The following ANKRD22 variants were observed in gnomAD, a reference collection of about 807,000 sequenced individuals.
ANKRD22 encodes ankyrin repeat domain-containing protein 22.
A neutral mutation model predicts 25.7 loss-of-function variants in ANKRD22; 24 were observed. The observed-to-expected ratio is 0.93, with a 90% confidence interval of 0.68 to 1.31. The LOEUF (loss-of-function observed/expected upper bound fraction) is 1.31, where lower values mean the gene tolerates loss of function less well. Ranked by LOEUF, ANKRD22 falls within the 50% of genes most tolerant of loss-of-function variation. The pLI is 0.00. For synonymous variants in ANKRD22, 84 were observed against 84.3 expected, an observed-to-expected ratio of 1.00 and a Z score of 0.02; for missense variants, 214 against 227.1, an observed-to-expected ratio of 0.94 and a Z score of 0.37.
chr10:88,848,194 GTATATATACATA>G (rs1255550188), intron 1 of ANKRD22, among the ~76,000 whole-genome samples: 2 of 145,372 alleles, frequency 1.4e-5, no homozygotes, highest in African/African-American at 2.5e-5. Flanking sequence ...ATGTATATAT[GTATATATACATA>G]TATATATACA....
intron 3 of ANKRD22, among the ~76,000 whole-genome samples, chr10:88,827,588 G>A (rs1170774381): frequency 6.6e-6 from 1 of 152,080 alleles, no homozygotes; most frequent in East Asian, 1.9e-4. Context: ...ATTCTTCGAG[G>A]ATATGAGCAG....
chr10:88,824,659 T>C (rs990352792), intron 4 of ANKRD22, among the ~76,000 whole-genome samples: 1 of 152,204 alleles, frequency 6.6e-6, no homozygotes, highest in Non-Finnish European at 1.5e-5. Flanking sequence ...GCCTTCCAAG[T>C]AGCTGGGACT....
intron 1 of ANKRD22, among the ~76,000 whole-genome samples, chr10:88,848,475 T>A (rs1844074228): frequency 6.6e-6 from 1 of 152,140 alleles, no homozygotes; most frequent in Non-Finnish European, 1.5e-5. Context: ...CTGATGCTCT[T>A]CTTGCATATG....
At chr10:88,836,306 C>T (rs193101065) in intron 1 of ANKRD22, among the ~76,000 whole-genome samples, 2 of 152,190 alleles carry the variant, frequency 1.3e-5, no homozygotes, top group Admixed American at 1.3e-4. Context: ...TCATTGTACC[C>T]CCATAACATA....
chr10:88,840,738 A>C (rs1475628780), intron 1 of ANKRD22, among the ~76,000 whole-genome samples: 1 of 152,210 alleles, frequency 6.6e-6, no homozygotes, highest in Non-Finnish European at 1.5e-5. Context: ...CTTTCTCTTC[A>C]AGTTAAGAAA....
intron 1 of ANKRD22, among the ~76,000 whole-genome samples, chr10:88,834,885 C>T (rs936801863): frequency 2.6e-5 from 4 of 151,966 alleles, no homozygotes; most frequent in African/African-American, 7.3e-5. Context: ...GCCGAAATCG[C>T]GCCACTTCAT....
chr10:88,830,241 G>A (rs1282281831), intron 2 of ANKRD22, among the ~76,000 whole-genome samples: 1 of 152,014 alleles, frequency 6.6e-6, no homozygotes, highest in Non-Finnish European at 1.5e-5. Context: ...TTCATATTGC[G>A]CTATCAAATT....
At chr10:88,840,605 C>A (rs778454297) in intron 1 of ANKRD22, among the ~76,000 whole-genome samples, 6 of 152,134 alleles carry the variant, frequency 3.9e-5, no homozygotes, top group Non-Finnish European at 5.9e-5. Context: ...ACAAGCTCCC[C>A]TCACTTAAAA....
intron 1 of ANKRD22, among the ~76,000 whole-genome samples, chr10:88,835,239 C>A (rs774085215): frequency 3.3e-5 from 5 of 152,238 alleles, no homozygotes; most frequent in Admixed American, 1.3e-4. Context: ...CTTTCTCAAC[C>A]CCATTTGAGC....
chr10:88,829,430 A>G (rs1001454634), intron 2 of ANKRD22, among the ~76,000 whole-genome samples: 1 of 152,224 alleles, frequency 6.6e-6, no homozygotes, highest in Non-Finnish European at 1.5e-5. Context: ...CTGTAAAAAA[A>G]TTTTAGAAAC....
chr10:88,846,134 A>G (rs12254933), intron 1 of ANKRD22, among the ~76,000 whole-genome samples: 4,230 of 152,026 alleles, frequency 0.028, 209 homozygotes, highest in African/African-American at 0.098. Context: ...TTGCGTATGT[A>G]TGGTCAGACA....
chr10:88,829,012 T>C (rs978571548), intron 2 of ANKRD22, among the ~76,000 whole-genome samples: 3 of 152,230 alleles, frequency 2.0e-5, no homozygotes, highest in Non-Finnish European at 2.9e-5. Flanking sequence ...AAATTGATAG[T>C]TATCCCTTAA....
chr10:88,836,700 C>T (rs973569798), intron 1 of ANKRD22, among the ~76,000 whole-genome samples: 11 of 152,172 alleles, frequency 7.2e-5, no homozygotes, highest in African/African-American at 2.7e-4. Flanking sequence ...TTGATCTGTC[C>T]ACTTGTGGCA....
intron 1 of ANKRD22, among the ~76,000 whole-genome samples, chr10:88,850,021 T>G (rs1254585041): frequency 6.6e-6 from 1 of 151,356 alleles, no homozygotes; most frequent in Admixed American, 6.6e-5. Context: ...TTTTTTTTTT[T>G]GAATAGATTC....
At chr10:88,838,113 A>C (rs1458882836) in intron 1 of ANKRD22, among the ~76,000 whole-genome samples, 1 of 152,198 alleles carries the variant, frequency 6.6e-6, no homozygotes, top group Admixed American at 6.5e-5. Context: ...ATGATGGGGA[A>C]GATTTTGGAC....
At position 88,822,543 on chromosome 10, in the gene ANKRD22, G is replaced by GTTTTTTTTTTTTTTTTTTTTTTTT. The variant is rs1491462149; in HGVS notation, c.*397_*398insAAAAAAAAAAAAAAAAAAAAAAAA. The GTTTTTTTTTTTTTTTTTTTTTTTT allele has an allele frequency of 3.5e-4, 7 of 19,720 alleles. No individual in the cohort carries two copies. The highest frequency in any genetic ancestry group is 2.0e-3 in the South Asian group (1 of 496). The allele number at this position is 19,720 out of a possible 1,614,324, so 1.2% of individuals were successfully genotyped here. On this transcript the variant is annotated 3_prime_UTR_variant, in exon 6 of 6. Transcript: ENST00000371930. ...GAAAGACTGAGTTTGGAACACCAGGGCTTTTTTTTTTTTTTTTTTTTTTGA... is the reference window on the plus strand; with the variant it reads ...GAAAGACTGAGTTTGGAACACCAGGGTTTTTTTTTTTTTTTTTTTTTTTTCTTTTTTTTTTTTTTTTTTTTTTGA...
chr10:88,838,851 G>C (rs979565053), intron 1 of ANKRD22, among the ~76,000 whole-genome samples: 1 of 152,172 alleles, frequency 6.6e-6, no homozygotes, highest in Non-Finnish European at 1.5e-5. Context: ...CCCAGGAAAA[G>C]CCAGATTTCA....
At chr10:88,850,293 A>G (rs1375476632) in intron 1 of ANKRD22, among the ~76,000 whole-genome samples, 2 of 151,682 alleles carry the variant, frequency 1.3e-5, no homozygotes, top group Non-Finnish European at 2.9e-5. Flanking sequence ...TTTCCAAATC[A>G]CATATAATTC....
At chr10:88,826,718 C>T (rs1249307601) in intron 3 of ANKRD22, among the ~76,000 whole-genome samples, 1 of 152,176 alleles carries the variant, frequency 6.6e-6, no homozygotes, top group African/African-American at 2.4e-5. Flanking sequence ...AAGAAGCTTT[C>T]CCTGACCCAC....
Sources: allele counts gnomAD v4.1 joint callset (sites outside exome capture counted in the v4.1 genomes callset), GRCh38; gene constraint gnomAD v4.1.1; transcripts MANE v1.5; gene names NCBI Gene and HGNC (gene_info 2026-07-23, HGNC 2026-07-21).